The following NKTR variants were observed in gnomAD, a reference collection of about 807,000 sequenced individuals.
NKTR encodes natural killer cell triggering receptor.
NKTR carries 67 observed loss-of-function variants against 156.3 expected under a neutral mutation model. The ratio of observed to expected loss-of-function variants is 0.43; its 90% CI spans 0.35 to 0.53. The LOEUF (loss-of-function observed/expected upper bound fraction) is 0.53. Among genes scored for constraint, NKTR ranks in the 20% least tolerant of loss-of-function variants. The pLI, the probability that NKTR is intolerant of heterozygous loss-of-function variation, is 0.01. For missense variants in NKTR, 1,604 were observed against 1,730.9 expected, an observed-to-expected ratio of 0.93 and a Z score of 1.30; for synonymous variants, 640 against 596.6, an observed-to-expected ratio of 1.07 and a Z score of -1.06.
chr3:42,643,457 T>C, intron 15 of NKTR, 62 bp downstream of exon 15: 1 of 1,368,078 alleles, frequency 7.3e-7, no homozygotes, highest in Non-Finnish European at 1.0e-6. Flanking sequence ...TTTTGTAAAC[T>C]GTTTGTTCAA....
Position 42,638,561 on chromosome 3 carries a change from C to G in NKTR, c.2857C>G (p.Gln953Glu), listed in dbSNP as rs1559588861. 6 of 1,613,984 alleles carry G rather than the reference C, an allele frequency of 3.7e-6. No individual in the cohort carries two copies. The highest frequency in any genetic ancestry group is 5.1e-6 in the Non-Finnish European group (6 of 1,179,986). Residue 953 changes from glutamine (Q) to glutamate (E), a missense_variant, in exon 13 of 17, where the codon CAG becomes GAG. Gln to Glu is a conservative substitution (Grantham distance 29). Transcript: ENST00000232978. ...TAATGGTGCTTGGAAATCAAGCAAA[C>G]AGCGCACATCAACTTCTGACTCTGA... is the stretch of plus-strand genomic sequence containing the variant. ...DDNGAWKSSK[Q>E]RTSTSDSEGS... is the part of the protein sequence containing the mutation.
intron 1 of NKTR, 75 bp downstream of exon 1, chr3:42,600,853 G>T: frequency 2.0e-6 from 1 of 499,590 alleles, no homozygotes; most frequent in Non-Finnish European, 3.3e-6. Context: ...CCTCGTCTTG[G>T]CCTCCTGCGC....
At chr3:42,619,362 GT>G in intron 4 of NKTR, 3 of 1,195,336 alleles carry the variant, frequency 2.5e-6, no homozygotes, top group Non-Finnish European at 2.2e-6. Context: ...TAGTTACTTA[GT>G]GAATTCCTTT....
At chr3:42,628,212 A>G (rs1708577817) in intron 6 of NKTR, 9 of 985,394 alleles carry the variant, frequency 9.1e-6, no homozygotes, top group Non-Finnish European at 1.1e-5. Context: ...CAAGTAATGG[A>G]CTTTAATCAT....
chr3:42,633,560 G>A lies in NKTR; in HGVS notation c.774-20G>A, dbSNP rs199732645. 1.2e-6 allele frequency: 2 copies of A among 1,600,258 alleles called. No homozygotes were observed. Among genetic ancestry groups the A allele is most frequent in the East Asian group, 2.2e-5 (1 of 44,714 alleles). On this transcript the variant is annotated intron_variant, in intron 9 of 16. Transcript: ENST00000232978. ...ATGCAAACATTATACATTTTAATCA[G>A]TGACTTGGTTTGTTCTAAGTCACTC...
At chr3:42,606,021 G>A (rs1706197681) in intron 2 of NKTR, among the ~76,000 whole-genome samples, 1 of 151,986 alleles carries the variant, frequency 6.6e-6, no homozygotes, top group Admixed American at 6.6e-5. Context: ...GCGTGGGAGA[G>A]AACAGTTGGA....
intron 14 of NKTR, among the ~76,000 whole-genome samples, chr3:42,642,975 GC>G (rs1710022808): frequency 6.6e-6 from 1 of 152,132 alleles, no homozygotes. Flanking sequence ...GGGAAGGGTG[GC>G]CCCAGATTTC....
In NKTR at chr3:42,636,926, T is replaced by C. The variant is rs1452704528; in HGVS notation, c.1222T>C (p.Ser408Pro). The C allele has an allele frequency of 3.8e-6, 6 of 1,591,424 alleles. No individual in the cohort carries two copies. Among genetic ancestry groups the C allele is most frequent in the Non-Finnish European group, 5.1e-6 (6 of 1,174,496 alleles). Residue 408 changes from serine (S) to proline (P), a missense_variant, in exon 13 of 17, where the codon TCA becomes CCA. Physicochemically the swap from Ser to Pro is moderately conservative, Grantham distance 74 (BLOSUM62 -1). This residue lies in a region of NKTR where 1,255 missense variants were observed against 1,243.7 expected (regional missense o/e 1.01). Transcript: ENST00000232978. The stretch of plus-strand genomic sequence containing the variant: ...AAGAAGCTTGTCTCAGAGATCCAGA[T>C]CATGGTCCTATAATGGATATTATTC... ...DERSLSQRSR[S>P]WSYNGYYSDL...
intron 2 of NKTR, among the ~76,000 whole-genome samples, chr3:42,613,699 A>G (rs187455761): frequency 1.9e-4 from 29 of 152,226 alleles, no homozygotes; most frequent in Admixed American, 1.7e-3. Flanking sequence ...CCTTTCACCT[A>G]GTGGCCAAAT....
intron 16 of NKTR, 50 bp from the exon 17 acceptor site, chr3:42,645,838 A>AAAGATTTTACAGTTAC (rs750034825): frequency 1.6e-5 from 22 of 1,341,892 alleles, no homozygotes; most frequent in Middle Eastern, 1.8e-4. Flanking sequence ...AGAGGAATTC[A>AAAGATTTTACAGTTAC]AAGATTTTAC....
intron 5 of NKTR, chr3:42,620,176 A>C: frequency 7.5e-7 from 1 of 1,327,978 alleles, no homozygotes. Flanking sequence ...AATTCTGTGT[A>C]TTATTTCATA....
chr3:42,633,168 T>C (rs1293296883), intron 9 of NKTR: 6 of 425,878 alleles, frequency 1.4e-5, no homozygotes, highest in Non-Finnish European at 1.7e-5. Flanking sequence ...GCCTCCTGAG[T>C]AGCTAGGACT....
At chr3:42,621,712 G>T (rs1175282530) in intron 6 of NKTR, among the ~76,000 whole-genome samples, 196 bp downstream of exon 6, 1 of 151,830 alleles carries the variant, frequency 6.6e-6, no homozygotes, top group African/African-American at 2.4e-5. Context: ...TTGGAAGAAT[G>T]GGACTTAAAA....
Position 42,619,015 on chromosome 3 carries a change from T to TTC in NKTR, c.134-5_134-4insTC. The TTC allele has an allele frequency of 6.5e-7, 1 of 1,540,244 alleles. No homozygotes were observed. The highest frequency in any genetic ancestry group is 1.5e-5 in the African/African-American group (1 of 68,606). On this transcript the variant is annotated splice_polypyrimidine_tract_variant and splice_region_variant and intron_variant, in intron 3 of 16. Transcript: ENST00000232978. ...TTCATTTCTTTTTTTTTTTTTTTTT[T>TTC]CCAGGAGAGAAAGGCCTTGGGAAAA...
intron 5 of NKTR, chr3:42,620,686 T>A (rs1198077913): frequency 1.0e-6 from 1 of 984,314 alleles, no homozygotes; most frequent in East Asian, 1.1e-4. Context: ...TTAAAATAAC[T>A]CTAAGTGATC....
At chr3:42,634,587 T>C in intron 10 of NKTR, 26 bp from the exon 11 acceptor site, 1 of 1,346,872 alleles carries the variant, frequency 7.4e-7, no homozygotes, top group South Asian at 1.3e-5. Flanking sequence ...TTATTTTTAA[T>C]TTTCATCACA....
rs1710432936 is a variant in NKTR at position 42,647,526 on chromosome 3, A to G, written c.*1551A>G. On this transcript the variant is annotated 3_prime_UTR_variant, in exon 17 of 17. Transcript: ENST00000232978. ...GTGGAGGGAGGGTGCCCTTGAATGT[A>G]TTAAAACTATCACCCAAAGAAGGTA... is the stretch of plus-strand genomic sequence containing the variant. 1 of 152,018 alleles carries G rather than the reference A, an allele frequency of 6.6e-6. No homozygotes were observed. The highest frequency in any genetic ancestry group is 1.5e-5 in the Non-Finnish European group (1 of 68,010). The allele number at this position is 152,018 out of a possible 1,614,324, so 9.4% of individuals were successfully genotyped here.
At chr3:42,607,969 CTT>C (rs201803926) in intron 2 of NKTR, among the ~76,000 whole-genome samples, 5 of 74,954 alleles carry the variant, frequency 6.7e-5, no homozygotes, top group Admixed American at 1.7e-4. Flanking sequence ...CTGAGTCGCT[CTT>C]TTTTTTTTTT....
Position 42,632,597 on chromosome 3 carries a change from A to G in NKTR, c.551-4A>G, listed in dbSNP as rs1229072404. On this transcript the variant is annotated splice_region_variant and splice_polypyrimidine_tract_variant and intron_variant, in intron 8 of 16. Transcript: ENST00000232978. Reference sequence around the variant, plus strand: ...CTAATGTTTTTATTAATGTTTCTTAAAAGTTTTTGAGAAAAAAAGGAAGAA... The same window carrying G: ...CTAATGTTTTTATTAATGTTTCTTAGAAGTTTTTGAGAAAAAAAGGAAGAA... 3 of 1,585,464 alleles carry G rather than the reference A, an allele frequency of 1.9e-6. No individual in the cohort carries two copies. Among genetic ancestry groups the G allele is most frequent in the Non-Finnish European group, 2.6e-6 (3 of 1,164,776 alleles).
Sources: allele counts gnomAD v4.1 joint callset (sites outside exome capture counted in the v4.1 genomes callset), GRCh38; gene constraint gnomAD v4.1.1; regional missense constraint gnomAD v4.1.1; transcripts MANE v1.5; gene names NCBI Gene and HGNC (gene_info 2026-07-23, HGNC 2026-07-21).